PC: variants seen among roughly 807,000 people sequenced by gnomAD.
PC encodes the protein pyruvate carboxylase, mitochondrial.
PC carries 46 observed loss-of-function variants against 107.8 expected under a neutral mutation model. The observed-to-expected ratio is 0.43, with a 90% CI of 0.34 to 0.55. The LOEUF (loss-of-function observed/expected upper bound fraction) is 0.55, where lower values mean the gene tolerates loss of function less well. PC is among the 20% of genes least tolerant of loss of function. The probability of loss-of-function intolerance (pLI) is 0.04; values close to 1 mark genes in which losing one functional copy is unlikely to be tolerated. For missense variants in PC, 1,241 were observed against 1,643.1 expected, an observed-to-expected ratio of 0.76 and a Z score of 4.23; for synonymous variants, 662 against 684.7, an observed-to-expected ratio of 0.97 and a Z score of 0.52.
intron 21 of PC, 77 bp from the exon 22 acceptor site, chr11:66,849,447 C>T (rs1216222844): frequency 3.7e-6 from 6 of 1,606,146 alleles, no homozygotes; most frequent in Non-Finnish European, 5.1e-6. Context: ...CATAGGAAGT[C>T]CCCACACTGG....
At chr11:66,953,878 G>C (rs868573216) in intron 2 of PC, among the ~76,000 whole-genome samples, 1 of 152,142 alleles carries the variant, frequency 6.6e-6, no homozygotes, top group East Asian at 1.9e-4. Flanking sequence ...ATGAGAGTCC[G>C]TCATTTGTAA....
intron 3 of PC, among the ~76,000 whole-genome samples, chr11:66,900,012 A>C (rs1317681122): frequency 6.6e-6 from 1 of 152,046 alleles, no homozygotes; most frequent in Non-Finnish European, 1.5e-5. Context: ...TTCCCCCATT[A>C]AATTGTCTTG....
chr11:66,859,474 A>G (rs1946106001), intron 12 of PC, among the ~76,000 whole-genome samples: 1 of 152,084 alleles, frequency 6.6e-6, no homozygotes, highest in Non-Finnish European at 1.5e-5. Flanking sequence ...GCACACACCC[A>G]TCTCCTGGCC....
At chr11:66,892,546 T>C (rs1947615131) in intron 3 of PC, among the ~76,000 whole-genome samples, 1 of 152,116 alleles carries the variant, frequency 6.6e-6, no homozygotes, top group South Asian at 2.1e-4. Context: ...GATGAGAGAT[T>C]GAACTTTAAG....
At chr11:66,955,016 T>C (rs1479648750) in intron 1 of PC, among the ~76,000 whole-genome samples, 1 of 151,514 alleles carries the variant, frequency 6.6e-6, no homozygotes, top group Non-Finnish European at 1.5e-5. Context: ...CAGTGAGAAA[T>C]GTGGATTGCC....
intron 3 of PC, among the ~76,000 whole-genome samples, chr11:66,895,283 C>G (rs1184458754): frequency 2.0e-5 from 3 of 152,168 alleles, no homozygotes; most frequent in Non-Finnish European, 2.9e-5. Context: ...GGTTCCCCAA[C>G]AAACAGCCTG....
rs530118097 is a variant in PC, at chr11:66,945,106, C to T, written c.-1+7324G>A. ...AAAAAGGTGGCACTGGTTCCAGATGCTATAATTTATTGGTAACCAGGCGTG... is the reference window on the plus strand; with the variant it reads ...AAAAAGGTGGCACTGGTTCCAGATGTTATAATTTATTGGTAACCAGGCGTG... On this transcript the variant is annotated intron_variant, in intron 3 of 22. Transcript: ENST00000393960. 1.8e-3 allele frequency among the ~76,000 whole-genome samples: 212 copies of T among 117,104 alleles called. 62 individuals carry two copies. Among genetic ancestry groups the T allele is most frequent in the Non-Finnish European group, 2.8e-3 (149 of 52,514 alleles). The allele number at this position is 117,104 out of a possible 152,430, so 76.8% of individuals were successfully genotyped here.
intron 3 of PC, among the ~76,000 whole-genome samples, chr11:66,885,756 C>G (rs1947336335): frequency 6.6e-6 from 1 of 152,178 alleles, no homozygotes; most frequent in Non-Finnish European, 1.5e-5. Context: ...CCAGAGCCAT[C>G]CGAGAGAGCA....
chr11:66,890,183 G>A (rs923803776), intron 3 of PC, among the ~76,000 whole-genome samples: 1 of 152,174 alleles, frequency 6.6e-6, no homozygotes, highest in South Asian at 2.1e-4. Context: ...TCACAGAAGA[G>A]ATCAGACAAC....
intron 21 of PC, 107 bp from the exon 22 acceptor site, chr11:66,849,477 A>G: frequency 1.9e-6 from 3 of 1,602,214 alleles, no homozygotes; most frequent in Non-Finnish European, 2.6e-6. Context: ...CCTCGTTCCT[A>G]AAGGCCTAGC....
Position 66,925,959 on chromosome 11 carries a change from A to G in PC, c.-1+26471T>C, listed in dbSNP as rs1229999351. 2.0e-5 allele frequency among the ~76,000 whole-genome samples: 3 copies of G among 152,090 alleles called. No individual in the cohort carries two copies. In the South Asian group the frequency reaches 6.2e-4, roughly 32 times the overall value. On this transcript the variant is annotated intron_variant, in intron 3 of 22. Coordinates refer to ENST00000393960, the MANE Select transcript of PC (RefSeq NM_001040716.2). ...AAAAAAGAAGGCAATGGCATCATAC[A>G]TCGTAGGCTACTGTCTAGCAGAAGG...
Position 66,936,267 on chromosome 11 carries a change from TG to T in PC, c.-1+16162del, listed in dbSNP as rs113533937. Among the ~76,000 whole-genome samples the T allele has an allele frequency of 5.6e-4, 80 of 143,378 alleles. 1 individual carries two copies. The highest frequency in any genetic ancestry group is 1.7e-3 in the African/African-American group (64 of 38,670). 94.1% of individuals were successfully genotyped at this position (143,378 alleles called of 152,430 possible). A position where few individuals can be genotyped will look rare whatever the true frequency, so the allele number is the denominator to read the frequency against. The stretch of plus-strand genomic sequence containing the variant: ...GTCACACACACACACAAAAAAAAGG[TG>T]GGGGGGGAGAGAAAAAAAGAAAAAA... On this transcript the variant is annotated intron_variant, in intron 3 of 22. Transcript: ENST00000393960.
At chr11:66,861,075 G>A (rs763632934) in intron 12 of PC, among the ~76,000 whole-genome samples, 23 of 152,238 alleles carry the variant, frequency 1.5e-4, no homozygotes, top group Non-Finnish European at 2.1e-4. Flanking sequence ...CTGTGGGTCC[G>A]AGCAGGACCG....
At chr11:66,936,989 T>C (rs1949017248) in intron 3 of PC, among the ~76,000 whole-genome samples, 2 of 152,068 alleles carry the variant, frequency 1.3e-5, no homozygotes, top group South Asian at 4.1e-4. Flanking sequence ...ACTACAGGTA[T>C]GCACCACCAC....
chr11:66,888,946 T>C (rs763360880), intron 3 of PC, among the ~76,000 whole-genome samples: 2 of 151,956 alleles, frequency 1.3e-5, no homozygotes, highest in Non-Finnish European at 2.9e-5. Flanking sequence ...TGGTGGTGCA[T>C]GCCTGTAATC....
chr11:66,863,477 G>C (rs1459748649), intron 12 of PC, among the ~76,000 whole-genome samples: 1 of 152,244 alleles, frequency 6.6e-6, no homozygotes, highest in Non-Finnish European at 1.5e-5. Flanking sequence ...CACCCCAGAG[G>C]GGCGGGACAC....
intron 12 of PC, 60 bp from the exon 13 acceptor site, chr11:66,853,443 G>A (rs1945628752): frequency 1.2e-6 from 2 of 1,600,516 alleles, no homozygotes; most frequent in East Asian, 2.2e-5. Context: ...GAAGGCAGAG[G>A]AGAAAAGGCT....
At chr11:66,859,187 TG>T (rs1946086948) in intron 12 of PC, 1 of 1,382,800 alleles carries the variant, frequency 7.2e-7, no homozygotes, top group Non-Finnish European at 9.6e-7. Context: ...CTCCTCTCTC[TG>T]GGGCTGACAC....
intron 3 of PC, among the ~76,000 whole-genome samples, chr11:66,938,895 A>T (rs542300653): frequency 6.6e-6 from 1 of 152,168 alleles, no homozygotes; most frequent in African/African-American, 2.4e-5. Flanking sequence ...CTATCACCTC[A>T]TATGTTTGCA....
Sources: allele counts gnomAD v4.1 joint callset (sites outside exome capture counted in the v4.1 genomes callset), GRCh38; gene constraint gnomAD v4.1.1; transcripts MANE v1.5; gene names NCBI Gene and HGNC (gene_info 2026-07-23, HGNC 2026-07-21).